The following MCF2L2 variants were observed in gnomAD, a reference collection of about 807,000 sequenced individuals.
The protein encoded by MCF2L2 is probable guanine nucleotide exchange factor MCF2L2.
MCF2L2 carries 102 observed loss-of-function variants against 150.2 expected under a neutral mutation model. The observed-to-expected ratio is 0.68, with a 90% confidence interval of 0.58 to 0.80. The LOEUF (loss-of-function observed/expected upper bound fraction) is 0.80, where lower values mean the gene tolerates loss of function less well. MCF2L2 is among the 30% of genes least tolerant of loss of function. The pLI is 0.00. For synonymous variants in MCF2L2, 465 were observed against 491.3 expected, an observed-to-expected ratio of 0.95 and a Z score of 0.71; for missense variants, 1,256 against 1,372.8, an observed-to-expected ratio of 0.91 and a Z score of 1.34.
chr3:183,316,562 C>T (rs1729612164), intron 7 of MCF2L2, among the ~76,000 whole-genome samples: 1 of 151,990 alleles, frequency 6.6e-6, no homozygotes. Context: ...CCAGGCTGGT[C>T]TCGAACTCCT....
At chr3:183,307,575 T>A (rs186725336) in intron 10 of MCF2L2, among the ~76,000 whole-genome samples, 1 of 152,274 alleles carries the variant, frequency 6.6e-6, no homozygotes, top group Non-Finnish European at 1.5e-5. Context: ...GGGTCATGGG[T>A]TCACAGAGCA....
chr3:183,324,329 G>A (rs1432684769), intron 5 of MCF2L2, among the ~76,000 whole-genome samples: 1 of 152,156 alleles, frequency 6.6e-6, no homozygotes, highest in East Asian at 1.9e-4. Context: ...GTTCTGGCCT[G>A]GGTGTGGTTC....
intron 22 of MCF2L2, among the ~76,000 whole-genome samples, chr3:183,213,450 T>C (rs1457380146): frequency 6.6e-6 from 1 of 152,108 alleles, no homozygotes; most frequent in Non-Finnish European, 1.5e-5. Context: ...AGTTGTTTAA[T>C]TGTGATAATT....
chr3:183,318,253 T>C (rs1560019190), intron 6 of MCF2L2, 36 bp from the exon 7 acceptor site: 3 of 1,611,722 alleles, frequency 1.9e-6, no homozygotes, highest in East Asian at 2.2e-5. Context: ...TATGGAGAGA[T>C]TAACATTCAC....
intron 21 of MCF2L2, among the ~76,000 whole-genome samples, chr3:183,217,016 C>T (rs370609493): frequency 3.3e-5 from 5 of 150,908 alleles, no homozygotes; most frequent in Admixed American, 2.0e-4. Flanking sequence ...ACCATATGGC[C>T]GGGCGGGTGG....
chr3:183,290,274 C>T (rs915997213), intron 13 of MCF2L2, among the ~76,000 whole-genome samples: 1 of 152,196 alleles, frequency 6.6e-6, no homozygotes, highest in African/African-American at 2.4e-5. Context: ...TATCTCCCTT[C>T]TCCCCACCTG....
intron 1 of MCF2L2, among the ~76,000 whole-genome samples, chr3:183,402,323 G>C (rs116396850): frequency 1.2e-3 from 178 of 151,548 alleles, no homozygotes; most frequent in African/African-American, 4.1e-3. Flanking sequence ...GGTTTTTCCC[G>C]GGTGCCTGTA....
chr3:183,385,841 T>C (rs1713798498), intron 2 of MCF2L2, among the ~76,000 whole-genome samples: 1 of 152,188 alleles, frequency 6.6e-6, no homozygotes, highest in African/African-American at 2.4e-5. Context: ...GAATGAGACA[T>C]AAGCAGAAGG....
intron 3 of MCF2L2, among the ~76,000 whole-genome samples, chr3:183,357,949 G>A (rs1293566156): frequency 2.0e-5 from 3 of 152,174 alleles, no homozygotes; most frequent in Non-Finnish European, 4.4e-5. Flanking sequence ...CAAGCTGTTG[G>A]AGAAACTGGA....
chr3:183,338,683 G>T, intron 5 of MCF2L2, 117 bp downstream of exon 5: 1 of 1,071,528 alleles, frequency 9.3e-7, no homozygotes, highest in South Asian at 2.0e-5. Flanking sequence ...CCTCAGCCCA[G>T]AGAACCCTTT....
At position 183,428,016 on chromosome 3, in the gene MCF2L2, A is replaced by C; in HGVS notation, c.-39T>G. 2 of 1,486,504 alleles carry C rather than the reference A, an allele frequency of 1.3e-6. No homozygotes were observed. The highest frequency in any genetic ancestry group is 2.8e-5 in the African/African-American group (2 of 72,504). 92.1% of individuals were successfully genotyped at this position (1,486,504 alleles called of 1,614,324 possible). On this transcript the variant is annotated 5_prime_UTR_variant, in exon 1 of 30. Transcript: ENST00000328913. This position sits in a 1 kb window ranked among gnomAD's most constrained non-coding sequence, Gnocchi z 5.1. ...CATTCCGTATAAATAAAGCCAAACA[A>C]AACTGTTTCTACCGCTGCGGTGGAT...
In MCF2L2 at chr3:183,297,059, G is replaced by A; in HGVS notation, c.1414C>T (p.Leu472=). Residue 472 remains leucine, a synonymous_variant, in exon 12 of 30, where the codon CTG becomes TTG. Transcript: ENST00000328913. ...DIALNDIATF[L]GTVKEYPLLS... is the part of the protein sequence containing the mutation. The stretch of plus-strand genomic sequence containing the variant: ...AACGGGTACTCCTTGACTGTGCCCA[G>A]GAATGTCGCAATGTCGTTCAAGGCG... The A allele has an allele frequency of 6.2e-7, 1 of 1,614,200 alleles. No homozygotes were observed. The highest frequency in any genetic ancestry group is 2.2e-5 in the East Asian group (1 of 44,880).
chr3:183,364,511 C>T (rs1285307346), intron 3 of MCF2L2, among the ~76,000 whole-genome samples: 1 of 151,732 alleles, frequency 6.6e-6, no homozygotes, highest in Non-Finnish European at 1.5e-5. Flanking sequence ...CAGAGCGAGA[C>T]TCCATCTCAA....
At chr3:183,421,352 T>G (rs1344352175) in intron 1 of MCF2L2, among the ~76,000 whole-genome samples, 1 of 152,244 alleles carries the variant, frequency 6.6e-6, no homozygotes, top group Non-Finnish European at 1.5e-5. Context: ...CATTTTTCTC[T>G]CTCCTTCAGA....
At chr3:183,280,059 CA>C (rs1727386796) in intron 14 of MCF2L2, among the ~76,000 whole-genome samples, 1 of 151,576 alleles carries the variant, frequency 6.6e-6, no homozygotes. Context: ...GGCAATGAGA[CA>C]GGGAACTGCT....
intron 15 of MCF2L2, among the ~76,000 whole-genome samples, chr3:183,246,720 T>G (rs966211258): frequency 2.0e-5 from 3 of 152,184 alleles, no homozygotes; most frequent in African/African-American, 7.2e-5. Context: ...GATTGCTGGA[T>G]CATAGGATCA....
At chr3:183,326,294 C>G (rs1730021453) in intron 5 of MCF2L2, among the ~76,000 whole-genome samples, 1 of 152,032 alleles carries the variant, frequency 6.6e-6, no homozygotes, top group Non-Finnish European at 1.5e-5. Context: ...GAGTTCGAGA[C>G]TAGCCTGGCC....
intron 3 of MCF2L2, among the ~76,000 whole-genome samples, chr3:183,355,381 T>A (rs1392099872): frequency 6.6e-6 from 1 of 151,556 alleles, no homozygotes; most frequent in East Asian, 1.9e-4. Context: ...TCTTACTCTT[T>A]CAGTAGAGGG....
At chr3:183,210,444 G>A (rs767309542) in intron 22 of MCF2L2, among the ~76,000 whole-genome samples, 1 of 152,182 alleles carries the variant, frequency 6.6e-6, no homozygotes, top group South Asian at 2.1e-4. Context: ...ACACAAACCG[G>A]TTGTTCAGGA....
Sources: gnomAD v4.1 joint callset for allele counts (sites outside exome capture counted in the v4.1 genomes callset) on GRCh38, gnomAD v4.1.1 for gene constraint, Gnocchi (gnomAD v3.1) non-coding constraint, MANE v1.5 for transcripts, NCBI Gene and HGNC (gene_info 2026-07-23, HGNC 2026-07-21) for gene names.